The following DNAH12 variants were observed in gnomAD, a reference collection of about 807,000 sequenced individuals.
DNAH12 encodes axonemal beta dynein heavy chain 12.
In DNAH12, 285 loss-of-function variants were observed where a neutral mutation model predicts 371.5. The ratio of observed to expected loss-of-function variants is 0.77; its 90% CI spans 0.70 to 0.85. DNAH12 has a LOEUF of 0.85. Among genes scored for constraint, DNAH12 ranks in the 40% least tolerant of loss-of-function variants. The probability of loss-of-function intolerance (pLI) is 0.00; values close to 1 mark genes in which losing one functional copy is unlikely to be tolerated. For missense variants in DNAH12, 3,611 were observed against 3,689.4 expected, an observed-to-expected ratio of 0.98 and a Z score of 0.55; for synonymous variants, 1,200 against 1,213.0, an observed-to-expected ratio of 0.99 and a Z score of 0.22.
chr3:57,421,825 T>C (rs2064591506), intron 35 of DNAH12, 119 bp from the exon 36 acceptor site: 2 of 1,146,166 alleles, frequency 1.7e-6, no homozygotes, highest in African/African-American at 3.1e-5. Flanking sequence ...AGGTCGTAAG[T>C]GTAAATAAAG....
chr3:57,364,995 C>T (rs958303810), intron 57 of DNAH12, among the ~76,000 whole-genome samples: 8 of 152,246 alleles, frequency 5.3e-5, no homozygotes, highest in Admixed American at 2.0e-4. Context: ...GAAATAGAAA[C>T]GCTTTTACAC....
At chr3:57,492,822 T>C (rs906945384) in intron 11 of DNAH12, among the ~76,000 whole-genome samples, 2 of 152,014 alleles carry the variant, frequency 1.3e-5, no homozygotes, top group South Asian at 4.2e-4. Flanking sequence ...CTGGCCAACA[T>C]GGTGAAACCC....
chr3:57,425,773 G>C (rs1170258268), intron 34 of DNAH12, among the ~76,000 whole-genome samples: 1 of 134,458 alleles, frequency 7.4e-6, no homozygotes, highest in Non-Finnish European at 1.5e-5. Context: ...CAGAAATGAA[G>C]TCTCTAAGAG....
chr3:57,462,757 T>A lies in DNAH12; in HGVS notation c.2468A>T (p.Lys823Ile). 1 of 1,551,560 alleles carries A rather than the reference T, an allele frequency of 6.4e-7. No individual in the cohort carries two copies. The highest frequency in any genetic ancestry group is 8.7e-7 in the Non-Finnish European group (1 of 1,146,928). The change falls in exon 18 of 74, where the codon AAA becomes ATA. Residue 823 changes from lysine to isoleucine, a missense_variant. Lys to Ile is a moderately radical substitution (Grantham distance 102). Around this residue, in one of 3 missense-constraint regions of DNAH12, gnomAD observed 1,314 missense variants for 1,398.7 expected, o/e 0.94. Coordinates refer to ENST00000495027, the MANE Select transcript of DNAH12 (RefSeq NM_001366028.2). ...TGGGGTAAGGTTTAATTTTAAAACT[T>A]TTCTCAGTGTAGTTCCAGAGTCTGG... ...LTPDSGTTLR[K>I]VLKLNLTPYL...
chr3:57,460,982 A>T (rs973113290), intron 19 of DNAH12, among the ~76,000 whole-genome samples: 1 of 152,206 alleles, frequency 6.6e-6, no homozygotes, highest in Non-Finnish European at 1.5e-5. Flanking sequence ...GTCTTTCCCC[A>T]ATTTATATAG....
intron 69 of DNAH12, among the ~76,000 whole-genome samples, chr3:57,303,208 G>A (rs1294246660): frequency 6.6e-6 from 1 of 151,270 alleles, no homozygotes; most frequent in Non-Finnish European, 1.5e-5. Flanking sequence ...TCGTGGTGGT[G>A]GGCGCCTGTA....
chr3:57,445,272 G>A lies in DNAH12; in HGVS notation c.4327C>T (p.Gln1443Ter). 6.4e-7 allele frequency: 1 copy of A among 1,551,350 alleles called. No homozygotes were observed. Among genetic ancestry groups the A allele is most frequent in the Non-Finnish European group, 8.7e-7 (1 of 1,146,816 alleles). The change falls in exon 28 of 74, where the codon CAA becomes TAA. Residue 1443 changes from glutamine (Q) to a stop codon, truncating the protein, a stop_gained. Coordinates refer to ENST00000495027, the MANE Select transcript of DNAH12 (RefSeq NM_001366028.2). LOFTEE classifies it high-confidence loss of function. ...CGCATTCCATAGTCGTAATGAAATTGCGATGAGAGCTGCTCTGAGCAAAGC... is the reference window on the plus strand; with the variant it reads ...CGCATTCCATAGTCGTAATGAAATTACGATGAGAGCTGCTCTGAGCAAAGC... ...YRLCSEQLSS[Q>*]FHYDYGMRAV...
chr3:57,308,350 G>A (rs1027642500), intron 69 of DNAH12, among the ~76,000 whole-genome samples: 39 of 152,038 alleles, frequency 2.6e-4, no homozygotes, highest in Non-Finnish European at 4.7e-4. Flanking sequence ...TGAACTAATG[G>A]TCTTTTAAAA....
chr3:57,431,802 C>T (rs2064963822), intron 32 of DNAH12, among the ~76,000 whole-genome samples: 1 of 152,158 alleles, frequency 6.6e-6, no homozygotes, highest in African/African-American at 2.4e-5. Flanking sequence ...CTATGTTTTC[C>T]TAGGTAGCTC....
Position 57,510,809 on chromosome 3 carries a change from G to A in DNAH12, c.450C>T (p.Asn150=). Residue 150 remains asparagine, a synonymous_variant, in exon 5 of 74, where the codon AAC becomes AAT. Coordinates refer to ENST00000495027, the MANE Select transcript of DNAH12 (RefSeq NM_001366028.2). ...LINEVSSDFE[N]SMKRYLVQSV... ...ACTTACCCAAATATCTCTTCATGCT[G>A]TTTTCAAAGTCACTTGACACCTCAT... The A allele has an allele frequency of 6.2e-7, 1 of 1,613,930 alleles. No individual in the cohort carries two copies. The highest frequency in any genetic ancestry group is 8.5e-7 in the Non-Finnish European group (1 of 1,179,984).
intron 59 of DNAH12, 24 bp from the exon 60 acceptor site, chr3:57,352,249 G>C: frequency 3.3e-6 from 5 of 1,520,686 alleles, no homozygotes; most frequent in Non-Finnish European, 4.4e-6. Flanking sequence ...GAAGGAAAAC[G>C]TATTGTCAAA....
At chr3:57,415,353 G>A (rs2064335542) in intron 38 of DNAH12, 73 bp downstream of exon 38, 3 of 1,488,748 alleles carry the variant, frequency 2.0e-6, no homozygotes, top group East Asian at 5.0e-5. Context: ...CTTATTTAAT[G>A]TACAATTTTA....
chr3:57,446,471 T>C, intron 26 of DNAH12, 66 bp downstream of exon 26: 1 of 1,471,514 alleles, frequency 6.8e-7, no homozygotes, highest in Non-Finnish European at 9.0e-7. Context: ...TTTGCTTCCA[T>C]TTATCCAATT....
At chr3:57,401,761 G>A (rs945368120) in intron 43 of DNAH12, among the ~76,000 whole-genome samples, 5 of 151,102 alleles carry the variant, frequency 3.3e-5, no homozygotes, top group Non-Finnish European at 7.4e-5. Flanking sequence ...AAAAGAGAGA[G>A]AGAAGACTCA....
intron 20 of DNAH12, among the ~76,000 whole-genome samples, chr3:57,458,665 A>G (rs542758274): frequency 9.8e-5 from 15 of 152,340 alleles, no homozygotes; most frequent in African/African-American, 3.6e-4. Context: ...CACTTTTAGA[A>G]GTTAAAAAAA....
At chr3:57,553,895 G>C in the DNAH12 span, among the ~76,000 whole-genome samples, 1 of 150,620 alleles carries the variant, frequency 6.6e-6, no homozygotes, top group African/African-American at 2.4e-5. Flanking sequence ...CGCGATCTCG[G>C]CTCACTGCAA....
At chr3:57,506,275 G>A (rs1035445670) in intron 8 of DNAH12, among the ~76,000 whole-genome samples, 2 of 152,104 alleles carry the variant, frequency 1.3e-5, no homozygotes, top group Admixed American at 6.5e-5. Context: ...GTTCTCTCAA[G>A]AGCCAATTGT....
intron 70 of DNAH12, among the ~76,000 whole-genome samples, chr3:57,300,902 G>A (rs1487826558): frequency 2.6e-5 from 4 of 152,034 alleles, no homozygotes; most frequent in Non-Finnish European, 5.9e-5. Context: ...GCAGTGTTCT[G>A]TCTGATGTTT....
chr3:57,469,476 A>G (rs2066304356), intron 16 of DNAH12, among the ~76,000 whole-genome samples: 1 of 152,236 alleles, frequency 6.6e-6, no homozygotes, highest in Non-Finnish European at 1.5e-5. Context: ...CAATCCCATT[A>G]CTGGGTATAT....
Sources: allele counts gnomAD v4.1 joint callset (sites outside exome capture counted in the v4.1 genomes callset), GRCh38; gene constraint gnomAD v4.1.1; regional missense constraint gnomAD v4.1.1; transcripts MANE v1.5; gene names NCBI Gene and HGNC (gene_info 2026-07-23, HGNC 2026-07-21).